The following WDR25 variants were observed in gnomAD, a reference collection of about 807,000 sequenced individuals.
WDR25 encodes WD repeat domain 25.
In WDR25, 35 loss-of-function variants were observed where a neutral mutation model predicts 47.7. The ratio of observed to expected loss-of-function variants is 0.73; its 90% CI spans 0.56 to 0.97. The LOEUF (loss-of-function observed/expected upper bound fraction) is 0.97, where lower values mean the gene tolerates loss of function less well. Ranked by LOEUF, WDR25 falls within the 50% of genes least tolerant of loss-of-function variation. The pLI is 0.00. For missense variants in WDR25, 634 were observed against 704.7 expected (o/e 0.90, Z 1.14); for synonymous variants, 248 against 278.9 (o/e 0.89, Z 1.10).
intron 3 of WDR25, among the ~76,000 whole-genome samples, chr14:100,470,568 G>A (rs1044967355): frequency 6.6e-5 from 10 of 152,222 alleles, no homozygotes; most frequent in Non-Finnish European, 1.0e-4. Context: ...CCTCCTGTCT[G>A]ATGAGTCAGG....
rs371014516 is a variant in WDR25, at chr14:100,384,766, C to A, written c.822+3020C>A. 6.6e-5 allele frequency among the ~76,000 whole-genome samples: 10 copies of A among 152,190 alleles called. 1 individual carries two copies. The East Asian group carries it at 1.5e-3, about 24-fold the overall frequency. Reference sequence around the variant, plus strand: ...CAGTACACCCTTCCCAGGGTGCTTTCCCCCTGCCTTTTGGTTAAAATCTGC... The same window carrying A: ...CAGTACACCCTTCCCAGGGTGCTTTACCCCTGCCTTTTGGTTAAAATCTGC... On this transcript the variant is annotated intron_variant, in intron 2 of 6. Transcript: ENST00000402312.
In WDR25 at chr14:100,425,838, A is replaced by G. The variant is rs1331689662; in HGVS notation, c.823-42183A>G. ...AAGCAATTTCAGCTTGGTTTCAGGCACAGATATGCAGCCAGGGAAATCACC... is the reference window on the plus strand; with the variant it reads ...AAGCAATTTCAGCTTGGTTTCAGGCGCAGATATGCAGCCAGGGAAATCACC... On this transcript the variant is annotated intron_variant, in intron 2 of 6. Coordinates refer to ENST00000402312, the MANE Select transcript of WDR25 (RefSeq NM_001161476.3). The surrounding 1 kb of genome is among the most constrained non-coding windows in gnomAD (Gnocchi z 4.8). Among the ~76,000 whole-genome samples the G allele has an allele frequency of 6.6e-6, 1 of 152,200 alleles. No individual in the cohort carries two copies. Among genetic ancestry groups the G allele is most frequent in the Non-Finnish European group, 1.5e-5 (1 of 68,038 alleles).
In WDR25 at chr14:100,449,807, G is replaced by T. The variant is rs116623400; in HGVS notation, c.823-18214G>T. Among the ~76,000 whole-genome samples, 1 of 152,164 alleles carries T rather than the reference G, an allele frequency of 6.6e-6. No homozygotes were observed. Among genetic ancestry groups the T allele is most frequent in the Non-Finnish European group, 1.5e-5 (1 of 68,024 alleles). On this transcript the variant is annotated intron_variant, in intron 2 of 6. Coordinates refer to ENST00000402312, the MANE Select transcript of WDR25 (RefSeq NM_001161476.3). This position sits in a 1 kb window ranked among gnomAD's most constrained non-coding sequence, Gnocchi z 4.2. ...CCATCATGCGGTCATAGGATGAGACGTCCCAGGTTCTGGCTCTCCCTGCCT... is the reference window on the plus strand; with the variant it reads ...CCATCATGCGGTCATAGGATGAGACTTCCCAGGTTCTGGCTCTCCCTGCCT...
In WDR25 at chr14:100,389,847, C is replaced by T. The variant is rs376146742; in HGVS notation, c.822+8101C>T. 9.9e-5 allele frequency among the ~76,000 whole-genome samples: 15 copies of T among 152,254 alleles called. No homozygotes were observed. The East Asian group carries it at 1.9e-3, about 20-fold the overall frequency. On this transcript the variant is annotated intron_variant, in intron 2 of 6. Coordinates refer to ENST00000402312, the MANE Select transcript of WDR25 (RefSeq NM_001161476.3). ...GCCAGGATTGGGGCACTGGGGAGCTCGGCCCCCCCATAGAACGAGGGCCAT... is the reference window on the plus strand; with the variant it reads ...GCCAGGATTGGGGCACTGGGGAGCTTGGCCCCCCCATAGAACGAGGGCCAT...
chr14:100,433,517 T>C (rs936269160), intron 2 of WDR25, among the ~76,000 whole-genome samples: 1 of 152,240 alleles, frequency 6.6e-6, no homozygotes, highest in African/African-American at 2.4e-5. Context: ...GGAGAGGCAC[T>C]TTGAGACAAC....
intron 2 of WDR25, among the ~76,000 whole-genome samples, chr14:100,427,979 C>T (rs1249111743): frequency 1.8e-4 from 27 of 152,234 alleles, no homozygotes; most frequent in Admixed American, 1.6e-3. Context: ...CAGCGACTGC[C>T]GTGCCCTCAG....
Position 100,425,701 on chromosome 14 carries a change from A to G in WDR25, c.823-42320A>G, listed in dbSNP as rs574012676. 6.6e-6 allele frequency among the ~76,000 whole-genome samples: 1 copy of G among 152,356 alleles called. No individual in the cohort carries two copies. Among genetic ancestry groups the G allele is most frequent in the South Asian group, 2.1e-4 (1 of 4,834 alleles). ...AGCTTTCGTTTTGAAGGAGTTCTCA[A>G]AAATGACAGGTTTTATTTCAAGGGT... On this transcript the variant is annotated intron_variant, in intron 2 of 6. Transcript: ENST00000402312. The surrounding 1 kb of genome is among the most constrained non-coding windows in gnomAD (Gnocchi z 4.8).
chr14:100,453,891 AC>A lies in WDR25; in HGVS notation c.823-14128del, dbSNP rs538061174. 1.2e-3 allele frequency among the ~76,000 whole-genome samples: 186 copies of A among 152,204 alleles called. 1 individual carries two copies. The highest frequency in any genetic ancestry group is 7.9e-3 in the South Asian group (38 of 4,810). ...TTTAAAATTCCTTCCCTTTGTTCTG[AC>A]CTTATTGAATAGAGAGAATAATTTC... On this transcript the variant is annotated intron_variant, in intron 2 of 6. Coordinates refer to ENST00000402312, the MANE Select transcript of WDR25 (RefSeq NM_001161476.3).
At chr14:100,453,032 G>C in intron 2 of WDR25, among the ~76,000 whole-genome samples, 1 of 152,088 alleles carries the variant, frequency 6.6e-6, no homozygotes, top group East Asian at 1.9e-4. Flanking sequence ...GAGGCAAGGA[G>C]AAGTGGTTGG....
At chr14:100,503,106 C>T (rs1458519790) in intron 4 of WDR25, among the ~76,000 whole-genome samples, 3 of 151,744 alleles carry the variant, frequency 2.0e-5, no homozygotes, top group Non-Finnish European at 4.4e-5. Flanking sequence ...AGTTAGGAAA[C>T]AAGGTCAGCT....
In WDR25 at chr14:100,468,257, T is replaced by C; in HGVS notation, c.970+89T>C. 6.6e-7 allele frequency: 1 copy of C among 1,512,632 alleles called. No homozygotes were observed. The highest frequency in any genetic ancestry group is 8.9e-7 in the Non-Finnish European group (1 of 1,128,366). The allele number at this position is 1,512,632 out of a possible 1,614,324, so 93.7% of individuals were successfully genotyped here. A position where few individuals can be genotyped will look rare whatever the true frequency, so the allele number is the denominator to read the frequency against. ...GGTGGGCACGCAGCCACAAGCTGTATACGCTTGCGTGGCAGAGGGAGAGGG... is the reference window on the plus strand; with the variant it reads ...GGTGGGCACGCAGCCACAAGCTGTACACGCTTGCGTGGCAGAGGGAGAGGG... On this transcript the variant is annotated intron_variant, in intron 3 of 6. Transcript: ENST00000402312. This position sits in a 1 kb window ranked among gnomAD's most constrained non-coding sequence, Gnocchi z 4.5.
chr14:100,413,475 A>G (rs1368863939), intron 2 of WDR25, among the ~76,000 whole-genome samples: 1 of 147,890 alleles, frequency 6.8e-6, no homozygotes, highest in Non-Finnish European at 1.5e-5. Flanking sequence ...GTGCAGTGCC[A>G]CGATCTCGGC....
chr14:100,415,533 C>G (rs546558513), intron 2 of WDR25, among the ~76,000 whole-genome samples: 1 of 152,338 alleles, frequency 6.6e-6, no homozygotes, highest in South Asian at 2.1e-4. Flanking sequence ...GACAGCATCT[C>G]TATCTGGAAC....
At chr14:100,401,207 C>T (rs1288760154) in intron 2 of WDR25, among the ~76,000 whole-genome samples, 1 of 152,178 alleles carries the variant, frequency 6.6e-6, no homozygotes, top group Non-Finnish European at 1.5e-5. Context: ...GGAGAGACCT[C>T]CCCCTCCCCG....
chr14:100,385,043 A>T (rs1001158393), intron 2 of WDR25, among the ~76,000 whole-genome samples: 1 of 152,224 alleles, frequency 6.6e-6, no homozygotes. Flanking sequence ...CATAGCAGGC[A>T]CTTAGTGTGT....
intron 2 of WDR25, among the ~76,000 whole-genome samples, chr14:100,445,108 TCTCA>T (rs1898791450): frequency 6.6e-6 from 1 of 152,158 alleles, no homozygotes; most frequent in South Asian, 2.1e-4. Flanking sequence ...CCAGGCACCC[TCTCA>T]CTCACTCTGT....
At chr14:100,416,994 C>T (rs73343558) in intron 2 of WDR25, among the ~76,000 whole-genome samples, 4 of 152,188 alleles carry the variant, frequency 2.6e-5, no homozygotes, top group East Asian at 1.9e-4. Flanking sequence ...TGAGATCTTG[C>T]GTGGATGATT....
At chr14:100,413,812 C>A (rs996684770) in intron 2 of WDR25, among the ~76,000 whole-genome samples, 1 of 152,218 alleles carries the variant, frequency 6.6e-6, no homozygotes, top group Non-Finnish European at 1.5e-5. Flanking sequence ...TCATGCAGGG[C>A]GTAGCCTTTA....
At position 100,517,106 on chromosome 14, in the gene WDR25, GTTTTTTTTTTTTTTTTT is replaced by G. The variant is rs796096587; in HGVS notation, c.1102-8753_1102-8737del. 1.2e-3 allele frequency among the ~76,000 whole-genome samples: 80 copies of G among 65,892 alleles called. 2 individuals carry two copies. The highest frequency in any genetic ancestry group is 5.4e-3 in the African/African-American group (75 of 13,882). The allele number at this position is 65,892 out of a possible 152,430, so 43.2% of individuals were successfully genotyped here. A position where few individuals can be genotyped will look rare whatever the true frequency, so the allele number is the denominator to read the frequency against. ...CCACTGCACCTGACATATCTCCTCT[GTTTTTTTTTTTTTTTTT>G]TTTTTTTTTTGAGACGGAGTCTCGC... is the stretch of plus-strand genomic sequence containing the variant. On this transcript the variant is annotated intron_variant, in intron 4 of 6. Coordinates refer to ENST00000402312, the MANE Select transcript of WDR25 (RefSeq NM_001161476.3).
Sources: gnomAD v4.1 joint callset for allele counts (sites outside exome capture counted in the v4.1 genomes callset) on GRCh38, gnomAD v4.1.1 for gene constraint, Gnocchi (gnomAD v3.1) non-coding constraint, MANE v1.5 for transcripts, NCBI Gene and HGNC (gene_info 2026-07-23, HGNC 2026-07-21) for gene names.